Variants in RNF38 observed in about 807,000 individuals in gnomAD.
RNF38 encodes ring finger protein 38.
A neutral mutation model predicts 67.2 loss-of-function variants in RNF38; 15 were observed. The ratio of observed to expected loss-of-function variants is 0.22; its 90% CI spans 0.15 to 0.34. RNF38 has a LOEUF of 0.34. Among genes scored for constraint, RNF38 ranks in the 10% least tolerant of loss-of-function variants. RNF38 has a pLI of 1.00. For synonymous variants in RNF38, 220 were observed against 218.8 expected (o/e 1.01, Z -0.05); for missense variants, 524 against 639.9 (o/e 0.82, Z 1.95).
At chr9:36,342,301 C>T (rs1391738922) in intron 11 of RNF38, 24 bp downstream of exon 11, 1 of 1,486,460 alleles carries the variant, frequency 6.7e-7, no homozygotes, top group Admixed American at 1.7e-5. Flanking sequence ...AATGTCATTT[C>T]CTTTAAAGAT....
intron 1 of RNF38, among the ~76,000 whole-genome samples, chr9:36,395,327 C>CT (rs940870729): frequency 1.2e-3 from 174 of 145,418 alleles, no homozygotes; most frequent in Middle Eastern, 3.6e-3. Context: ...CGTTCATTTC[C>CT]TTTTTTTTTT....
intron 2 of RNF38, among the ~76,000 whole-genome samples, chr9:36,377,818 T>C (rs893327585): frequency 6.6e-6 from 1 of 152,234 alleles, no homozygotes; most frequent in Admixed American, 6.5e-5. Context: ...TATAAATAGC[T>C]GTTATACTGT....
intron 1 of RNF38, among the ~76,000 whole-genome samples, chr9:36,391,106 A>C (rs916470541): frequency 1.3e-5 from 2 of 152,160 alleles, no homozygotes; most frequent in East Asian, 3.8e-4. Context: ...TATAGCAAAC[A>C]TATGTTTGAC....
In RNF38 at chr9:36,363,385, G is replaced by T. The variant is rs1834711207; in HGVS notation, c.571-5443C>A. ...TGGATTACTGGGTAGGTGTATGTTT[G>T]ACATGATTAGAAACTGACCAACAGG... On this transcript the variant is annotated intron_variant, in intron 4 of 11. Coordinates refer to ENST00000259605, the MANE Select transcript of RNF38 (RefSeq NM_022781.5). Among the ~76,000 whole-genome samples the T allele has an allele frequency of 2.0e-5, 2 of 100,680 alleles. 1 individual carries two copies. Among genetic ancestry groups the T allele is most frequent in the Non-Finnish European group, 5.2e-5 (2 of 38,686 alleles). The allele number at this position is 100,680 out of a possible 152,430, so 66.0% of individuals were successfully genotyped here.
intron 9 of RNF38, among the ~76,000 whole-genome samples, chr9:36,350,587 T>A (rs1833622821): frequency 1.3e-5 from 2 of 152,242 alleles, no homozygotes; most frequent in Non-Finnish European, 2.9e-5. Flanking sequence ...TTATTTAAGA[T>A]CTAGCTCAAA....
intron 1 of RNF38, among the ~76,000 whole-genome samples, chr9:36,446,918 C>T (rs557455333): frequency 4.2e-5 from 6 of 142,386 alleles, no homozygotes; most frequent in South Asian, 4.5e-4. Context: ...GTCAGGAGTT[C>T]GAGACCAATC....
intron 1 of RNF38, among the ~76,000 whole-genome samples, chr9:36,482,113 G>T (rs559413419): frequency 1.1e-4 from 16 of 149,032 alleles, no homozygotes; most frequent in Admixed American, 4.1e-4. Flanking sequence ...GAGTGCAATG[G>T]TGCAATCTCA....
At position 36,342,385 on chromosome 9, in the gene RNF38, T is replaced by A. The variant is rs769321023; in HGVS notation, c.1425A>T (p.Leu475=). ...VCMCDFESRQ[L]LRVLPCNHEF... is the part of the protein sequence containing the mutation. The stretch of plus-strand genomic sequence containing the variant: ...CGTGGTTACAGGGTAAGACTCTAAG[T>A]AGCTGCCTTGACTCAAAATCACACA... The change falls in exon 11 of 12, where the codon CTA becomes CTT. Residue 475 remains leucine (L), a synonymous_variant. Coordinates refer to ENST00000259605, the MANE Select transcript of RNF38 (RefSeq NM_022781.5). 1 of 1,613,960 alleles carries A rather than the reference T, an allele frequency of 6.2e-7. No individual in the cohort carries two copies. The highest frequency in any genetic ancestry group is 1.7e-5 in the Admixed American group (1 of 60,028).
chr9:36,393,500 TGTGTGTGTGTGTGTGTGTGTGTGG>T (rs1307157968), intron 1 of RNF38, among the ~76,000 whole-genome samples: 2 of 148,240 alleles, frequency 1.3e-5, no homozygotes, highest in African/African-American at 2.5e-5. Context: ...TGTGTGTGTG[TGTGTGTGTGTGTGTGTGTGTGTGG>T]GGCAGGCAGT....
At chr9:36,429,984 C>A (rs1274468759) in intron 1 of RNF38, among the ~76,000 whole-genome samples, 2 of 152,010 alleles carry the variant, frequency 1.3e-5, no homozygotes, top group African/African-American at 2.4e-5. Flanking sequence ...ATGACTATTT[C>A]TTGGTTATTA....
intron 2 of RNF38, among the ~76,000 whole-genome samples, chr9:36,419,987 G>A (rs924631959): frequency 6.6e-6 from 1 of 152,238 alleles, no homozygotes; most frequent in South Asian, 2.1e-4. Context: ...GTTCCACTGT[G>A]ACTCTCTGAG....
At chr9:36,475,904 G>A (rs1313009309) in intron 1 of RNF38, among the ~76,000 whole-genome samples, 1 of 150,372 alleles carries the variant, frequency 6.7e-6, no homozygotes, top group Admixed American at 6.6e-5. Flanking sequence ...AGCTACTCTG[G>A]AGGCTGAAGC....
intron 3 of RNF38, among the ~76,000 whole-genome samples, chr9:36,373,071 G>A (rs1835504333): frequency 6.6e-6 from 1 of 152,140 alleles, no homozygotes; most frequent in Admixed American, 6.5e-5. Flanking sequence ...GCTGGGTGTT[G>A]TGGCAGGCAC....
At chr9:36,370,890 C>CA (rs1800599478) in intron 3 of RNF38, among the ~76,000 whole-genome samples, 1 of 151,698 alleles carries the variant, frequency 6.6e-6, no homozygotes, top group Non-Finnish European at 1.5e-5. Flanking sequence ...GCCTGGGCGA[C>CA]AGAGTGAGAC....
chr9:36,400,165 C>T lies in RNF38; in HGVS notation c.-57G>A. 3.7e-6 allele frequency: 6 copies of T among 1,600,802 alleles called. No individual in the cohort carries two copies. The highest frequency in any genetic ancestry group is 3.5e-5 in the Admixed American group (2 of 57,500). On this transcript the variant is annotated 5_prime_UTR_variant, in exon 1 of 12. Transcript: ENST00000259605. ...GGACCTCAATAACCTGAAACACTCC[C>T]GTTTCAAAAACCAACCTCTCTCACG...
intron 1 of RNF38, among the ~76,000 whole-genome samples, chr9:36,429,590 T>A (rs1409785631): frequency 6.6e-6 from 1 of 152,050 alleles, no homozygotes; most frequent in African/African-American, 2.4e-5. Context: ...ACCAGCCAGT[T>A]TGAGACCAGC....
At chr9:36,399,510 CATATTATAAATAAAT>C (rs1288549904) in intron 1 of RNF38, among the ~76,000 whole-genome samples, 1 of 147,302 alleles carries the variant, frequency 6.8e-6, no homozygotes, top group Non-Finnish European at 1.5e-5. Flanking sequence ...TATATAATAC[CATATTATAAATAAAT>C]ATATTATAAA....
At chr9:36,445,135 T>C (rs1173284189) in intron 1 of RNF38, among the ~76,000 whole-genome samples, 3 of 152,188 alleles carry the variant, frequency 2.0e-5, no homozygotes, top group Non-Finnish European at 2.9e-5. Flanking sequence ...TGTTGTGACA[T>C]GATGCTTCCA....
chr9:36,422,048 A>G (rs1838642764), intron 2 of RNF38, among the ~76,000 whole-genome samples: 1 of 152,098 alleles, frequency 6.6e-6, no homozygotes, highest in Non-Finnish European at 1.5e-5. Context: ...CCTGGTCAAC[A>G]TGGTGAAGTC....
Sources: allele counts gnomAD v4.1 joint callset (sites outside exome capture counted in the v4.1 genomes callset), GRCh38; gene constraint gnomAD v4.1.1; transcripts MANE v1.5; gene names NCBI Gene and HGNC (gene_info 2026-07-23, HGNC 2026-07-21).